CTDNEP1: variants seen among roughly 807,000 people sequenced by gnomAD.
CTDNEP1 encodes C-terminal domain nuclear envelope phosphatase 1.
In CTDNEP1, 3 loss-of-function variants were observed where a neutral mutation model predicts 30.1. The ratio of observed to expected loss-of-function variants is 0.10; its 90% CI spans 0.05 to 0.26. The LOEUF (loss-of-function observed/expected upper bound fraction) is 0.26, where lower values mean the gene tolerates loss of function less well. CTDNEP1 is among the 10% of genes least tolerant of loss of function. The pLI is 1.00. For missense variants in CTDNEP1, 158 were observed against 310.4 expected (o/e 0.51, Z 3.69); for synonymous variants, 123 against 118.8 (o/e 1.04, Z -0.23).
rs765201582 is a variant in CTDNEP1, at chr17:7,246,929, A to G, written c.289-67T>C. 24 of 1,480,646 alleles carry G rather than the reference A, an allele frequency of 1.6e-5. No homozygotes were observed. The highest frequency in any genetic ancestry group is 2.2e-5 in the Non-Finnish European group (23 of 1,061,048). The allele number at this position is 1,480,646 out of a possible 1,614,324, so 91.7% of individuals were successfully genotyped here. On this transcript the variant is annotated intron_variant, in intron 3 of 7. Transcript: ENST00000574322. This position sits in a 1 kb window ranked among gnomAD's most constrained non-coding sequence, Gnocchi z 4.9. ...ACAACCCAGGCCTAGAAAACGCCCC[A>G]CCCATCTGCTTCCCTCCTCCAGGCT...
intron 1 of CTDNEP1, 68 bp from the exon 2 acceptor site, chr17:7,247,411 A>G: frequency 8.4e-7 from 1 of 1,186,536 alleles, no homozygotes; most frequent in South Asian, 1.2e-5. Flanking sequence ...AGTAACAGGG[A>G]GCACATAATG....
intron 1 of CTDNEP1, 112 bp from the exon 2 acceptor site, chr17:7,247,455 G>A (rs2071855390): frequency 1.3e-6 from 1 of 798,648 alleles, no homozygotes; most frequent in African/African-American, 1.8e-5. Context: ...ATGTAATTTA[G>A]GCTTATTTCT....
chr17:7,249,068 G>A (rs1377902629), intron 1 of CTDNEP1, among the ~76,000 whole-genome samples: 1 of 152,186 alleles, frequency 6.6e-6, no homozygotes. Flanking sequence ...GGAGGCCAGA[G>A]TGAAGTCAGG....
rs2071840497 is a variant in CTDNEP1 at position 7,246,559 on chromosome 17, AT to A, written c.361-190del. The A allele has an allele frequency of 1.6e-6, 1 of 639,592 alleles. No individual in the cohort carries two copies. The highest frequency in any genetic ancestry group is 2.8e-6 in the Non-Finnish European group (1 of 363,246). 39.6% of individuals were successfully genotyped at this position (639,592 alleles called of 1,614,324 possible). Reference sequence around the variant, plus strand: ...TCAGTGTTAGGCATCCTACACTCTTATGATTCAGAAATGCAAGAACAAAAGA... The same window carrying A: ...TCAGTGTTAGGCATCCTACACTCTTAGATTCAGAAATGCAAGAACAAAAGA... On this transcript the variant is annotated intron_variant, in intron 4 of 7. Transcript: ENST00000574322. This position sits in a 1 kb window ranked among gnomAD's most constrained non-coding sequence, Gnocchi z 4.9.
Position 7,243,879 on chromosome 17 carries a change from C to T in CTDNEP1, c.*306G>A. The stretch of plus-strand genomic sequence containing the variant: ...TTGAGCCTCCTGGATCACCGTATGT[C>T]TGTCACTCTGGCCAGTCCTGCCTCT... On this transcript the variant is annotated 3_prime_UTR_variant, in exon 8 of 8. Transcript: ENST00000574322. 3.5e-6 allele frequency: 4 copies of T among 1,151,946 alleles called. No individual in the cohort carries two copies. The highest frequency in any genetic ancestry group is 4.4e-6 in the Non-Finnish European group (4 of 907,510). The allele number at this position is 1,151,946 out of a possible 1,614,324, so 71.4% of individuals were successfully genotyped here.
At chr17:7,250,044 C>T (rs563017244) in intron 1 of CTDNEP1, among the ~76,000 whole-genome samples, 1 of 152,074 alleles carries the variant, frequency 6.6e-6, no homozygotes, top group Admixed American at 6.5e-5. Flanking sequence ...CTGTACTGTT[C>T]GCGCCCTAAA....
At chr17:7,244,334 G>C in intron 7 of CTDNEP1, 89 bp from the exon 8 acceptor site, 1 of 1,413,114 alleles carries the variant, frequency 7.1e-7, no homozygotes, top group Middle Eastern at 1.8e-4. Flanking sequence ...GGAGATGTGG[G>C]ACCTAAATTA....
rs2071923080 is a variant in CTDNEP1, at chr17:7,251,409, G to A, written c.-113C>T. ...GGAACGGGGGCCCCGAGTGGCAGGA[G>A]AGGCTGCAGAGAGGGGCACGGAGCG... On this transcript the variant is annotated 5_prime_UTR_variant, in exon 1 of 8. Coordinates refer to ENST00000574322, the MANE Select transcript of CTDNEP1 (RefSeq NM_001143775.2). The A allele has an allele frequency of 6.5e-6, 4 of 613,966 alleles. No individual in the cohort carries two copies. Among genetic ancestry groups the A allele is most frequent in the Non-Finnish European group, 1.0e-5 (4 of 396,532 alleles). The allele number at this position is 613,966 out of a possible 1,614,324, so 38.0% of individuals were successfully genotyped here.
chr17:7,248,018 T>G (rs2071865929), intron 1 of CTDNEP1, among the ~76,000 whole-genome samples: 1 of 151,540 alleles, frequency 6.6e-6, no homozygotes, highest in Non-Finnish European at 1.5e-5. Flanking sequence ...ATCCCAGCAC[T>G]TTGGGAGGCC....
chr17:7,245,889 C>T (rs112540402), intron 6 of CTDNEP1, 137 bp downstream of exon 6: 1 of 607,118 alleles, frequency 1.6e-6, no homozygotes, highest in Non-Finnish European at 3.0e-6. Flanking sequence ...ACAAAAATAA[C>T]TTGCATTTCG....
In CTDNEP1 at chr17:7,243,808, T is replaced by C. The variant is rs968153551; in HGVS notation, c.*377A>G. The stretch of plus-strand genomic sequence containing the variant: ...GAATTAGATCAGTTTTGTACAAGAG[T>C]TTTTTAAAAAAAATCAAATCACAAC... On this transcript the variant is annotated 3_prime_UTR_variant, in exon 8 of 8. Transcript: ENST00000574322. 2.3e-6 allele frequency: 1 copy of C among 428,550 alleles called. No homozygotes were observed. Among genetic ancestry groups the C allele is most frequent in the African/African-American group, 2.1e-5 (1 of 47,038 alleles). 26.5% of individuals were successfully genotyped at this position (428,550 alleles called of 1,614,324 possible). A position where few individuals can be genotyped will look rare whatever the true frequency, so the allele number is the denominator to read the frequency against.
chr17:7,249,247 A>G (rs1171236521), intron 1 of CTDNEP1, among the ~76,000 whole-genome samples: 1 of 152,156 alleles, frequency 6.6e-6, no homozygotes, highest in African/African-American at 2.4e-5. Flanking sequence ...TCTTCAGTGC[A>G]TACCTAGGCC....
intron 1 of CTDNEP1, among the ~76,000 whole-genome samples, chr17:7,247,860 G>A (rs1239027345): frequency 2.6e-5 from 4 of 152,040 alleles, no homozygotes; most frequent in Non-Finnish European, 5.9e-5. Flanking sequence ...ATTATCTTAA[G>A]TTGTTTCTCT....
chr17:7,246,407 G>A lies in CTDNEP1; in HGVS notation c.361-37C>T, dbSNP rs1259386653. On this transcript the variant is annotated intron_variant, in intron 4 of 7. Coordinates refer to ENST00000574322, the MANE Select transcript of CTDNEP1 (RefSeq NM_001143775.2). The surrounding 1 kb of genome is among the most constrained non-coding windows in gnomAD (Gnocchi z 4.9). ...TGGGGGAGAGGGCGATGCCATACAAGGTGATGATTCCTTTAGACATACAGT... is the reference window on the plus strand; with the variant it reads ...TGGGGGAGAGGGCGATGCCATACAAAGTGATGATTCCTTTAGACATACAGT... 1 of 1,416,780 alleles carries A rather than the reference G, an allele frequency of 7.1e-7. No individual in the cohort carries two copies. The highest frequency in any genetic ancestry group is 1.0e-6 in the Non-Finnish European group (1 of 1,002,478). The allele number at this position is 1,416,780 out of a possible 1,614,324, so 87.8% of individuals were successfully genotyped here.
intron 7 of CTDNEP1, 78 bp from the exon 8 acceptor site, chr17:7,244,323 T>C: frequency 6.7e-7 from 1 of 1,483,678 alleles, no homozygotes; most frequent in Admixed American, 1.7e-5. Context: ...GCAGCATCAC[T>C]GGAGATGTGG....
At chr17:7,249,607 GCAGTCAACC>G (rs2071886580) in intron 1 of CTDNEP1, among the ~76,000 whole-genome samples, 1 of 152,142 alleles carries the variant, frequency 6.6e-6, no homozygotes, top group African/African-American at 2.4e-5. Context: ...AGAGAAGATG[GCAGTCAACC>G]CATAAAGAAA....
Position 7,247,156 on chromosome 17 carries a change from G to A in CTDNEP1, c.196C>T (p.Leu66=). 6.2e-7 allele frequency: 1 copy of A among 1,614,012 alleles called. No homozygotes were observed. ...TGAATAAGTGTCTCATCCAGATCCA[G>A]CACCAGGATCTTCCTCTTCACCTGG... The part of the protein sequence containing the change: ...LAQVKRKILV[L]DLDETLIHSH... Residue 66 remains leucine, a synonymous_variant, in exon 3 of 8, where the codon CTG becomes TTG. Transcript: ENST00000574322.
Position 7,246,469 on chromosome 17 carries a change from C to A in CTDNEP1, c.361-99G>T. ...AAGGCAATGGCATAGTCCTTCAGGCCTTCCATCAACATCAAATGTCTCTGA... is the reference window on the plus strand; with the variant it reads ...AAGGCAATGGCATAGTCCTTCAGGCATTCCATCAACATCAAATGTCTCTGA... On this transcript the variant is annotated intron_variant, in intron 4 of 7. Coordinates refer to ENST00000574322, the MANE Select transcript of CTDNEP1 (RefSeq NM_001143775.2). The surrounding 1 kb of genome is among the most constrained non-coding windows in gnomAD (Gnocchi z 4.9). 1.2e-6 allele frequency: 1 copy of A among 863,752 alleles called. No individual in the cohort carries two copies. Among genetic ancestry groups the A allele is most frequent in the Non-Finnish European group, 1.9e-6 (1 of 527,224 alleles). The allele number at this position is 863,752 out of a possible 1,614,324, so 53.5% of individuals were successfully genotyped here.
chr17:7,248,657 G>A (rs1189917944), intron 1 of CTDNEP1, among the ~76,000 whole-genome samples: 1 of 151,962 alleles, frequency 6.6e-6, no homozygotes, highest in Non-Finnish European at 1.5e-5. Context: ...ACCCCCGGCC[G>A]AAGCTGCCCT....
Sources: allele counts gnomAD v4.1 joint callset (sites outside exome capture counted in the v4.1 genomes callset), GRCh38; gene constraint gnomAD v4.1.1; non-coding constraint Gnocchi (gnomAD v3.1); transcripts MANE v1.5; gene names NCBI Gene and HGNC (gene_info 2026-07-23, HGNC 2026-07-21).